The following XKR9 variants were observed in gnomAD, a reference collection of about 807,000 sequenced individuals.
XKR9 encodes XK-related protein 9.
In XKR9, 32 loss-of-function variants were observed where a neutral mutation model predicts 32.0. That is an observed-to-expected ratio of 1.00 (90% CI 0.76 to 1.34). The LOEUF (loss-of-function observed/expected upper bound fraction) is 1.34. XKR9 is among the 40% of genes most tolerant of loss of function. The probability of loss-of-function intolerance (pLI) is 0.00; values close to 1 mark genes in which losing one functional copy is unlikely to be tolerated. For missense variants in XKR9, 546 were observed against 429.7 expected, an observed-to-expected ratio of 1.27 and a Z score of -2.39; for synonymous variants, 168 against 143.4, an observed-to-expected ratio of 1.17 and a Z score of -1.22.
chr8:71,049,526 C>T, the XKR9 span, among the ~76,000 whole-genome samples: 1 of 152,192 alleles, frequency 6.6e-6, no homozygotes, highest in Non-Finnish European at 1.5e-5. Flanking sequence ...GATCCCAACA[C>T]AGAGGAATGT....
the XKR9 span, among the ~76,000 whole-genome samples, chr8:70,998,508 G>A: frequency 6.6e-6 from 1 of 152,222 alleles, no homozygotes; most frequent in Non-Finnish European, 1.5e-5. Flanking sequence ...AGCTTAAGAT[G>A]TGAATCAAAA....
chr8:70,857,582 AG>A, the XKR9 span, among the ~76,000 whole-genome samples: 1 of 152,236 alleles, frequency 6.6e-6, no homozygotes, highest in Non-Finnish European at 1.5e-5. Context: ...TCCAATCAAT[AG>A]AAAAAGAGGG....
chr8:70,928,050 G>A, the XKR9 span, among the ~76,000 whole-genome samples: 18 of 152,274 alleles, frequency 1.2e-4, no homozygotes, highest in African/African-American at 4.3e-4. Flanking sequence ...AATTTCGTGT[G>A]TGTGTGTTTA....
At chr8:70,671,893 A>G (rs1818727807) in intron 1 of XKR9, among the ~76,000 whole-genome samples, 1 of 90,454 alleles carries the variant, frequency 1.1e-5, no homozygotes, top group Non-Finnish European at 2.8e-5. Context: ...AAATCAATGT[A>G]CAAAAATCAC....
At chr8:70,989,753 T>C in the XKR9 span, among the ~76,000 whole-genome samples, 2 of 152,218 alleles carry the variant, frequency 1.3e-5, no homozygotes, top group Non-Finnish European at 2.9e-5. Flanking sequence ...ATATTCACAA[T>C]ATGGTGCAAC....
At chr8:70,719,738 C>A (rs1375633458) in intron 4 of XKR9, among the ~76,000 whole-genome samples, 1 of 152,110 alleles carries the variant, frequency 6.6e-6, no homozygotes, top group Non-Finnish European at 1.5e-5. Flanking sequence ...ATGTCTCCAG[C>A]TTTGATCTTT....
the XKR9 span, among the ~76,000 whole-genome samples, chr8:70,868,316 G>A: frequency 6.6e-6 from 1 of 152,078 alleles, no homozygotes; most frequent in Non-Finnish European, 1.5e-5. Context: ...CCCTAGCAGA[G>A]GGTCTCCATG....
At chr8:70,806,700 T>G in the XKR9 span, among the ~76,000 whole-genome samples, 2 of 151,250 alleles carry the variant, frequency 1.3e-5, no homozygotes, top group African/African-American at 2.4e-5. Context: ...AAATAAGGCA[T>G]GCAGACAAGA....
At chr8:70,970,531 A>G in the XKR9 span, among the ~76,000 whole-genome samples, 10 of 151,896 alleles carry the variant, frequency 6.6e-5, no homozygotes, top group African/African-American at 2.4e-4. Context: ...ATGTGTTTTC[A>G]TTGTTCATCT....
At chr8:70,787,874 G>C in intron 2 of XKR9, among the ~76,000 whole-genome samples, 1 of 151,874 alleles carries the variant, frequency 6.6e-6, no homozygotes, top group East Asian at 1.9e-4. Context: ...AAGGTATTTG[G>C]TCAAGGCTGA....
At chr8:70,971,908 T>A in the XKR9 span, among the ~76,000 whole-genome samples, 1 of 152,172 alleles carries the variant, frequency 6.6e-6, no homozygotes, top group African/African-American at 2.4e-5. Flanking sequence ...CCTCCAGATT[T>A]GTTCTTTTTG....
chr8:70,803,938 C>A, the XKR9 span, among the ~76,000 whole-genome samples: 1 of 152,194 alleles, frequency 6.6e-6, no homozygotes, highest in Non-Finnish European at 1.5e-5. Context: ...GCCCTCCTGG[C>A]AACCAGTGGC....
At chr8:70,777,412 A>T (rs1333830259) in intron 2 of XKR9, among the ~76,000 whole-genome samples, 1 of 152,196 alleles carries the variant, frequency 6.6e-6, no homozygotes, top group Non-Finnish European at 1.5e-5. Flanking sequence ...TGCTGCAATA[A>T]ACATACGTGT....
At chr8:70,759,252 G>C (rs1224309761) in intron 2 of XKR9, among the ~76,000 whole-genome samples, 1 of 152,106 alleles carries the variant, frequency 6.6e-6, no homozygotes, top group East Asian at 1.9e-4. Context: ...AAACAGCTCA[G>C]GCCCATGCAA....
chr8:70,956,630 C>T, the XKR9 span, among the ~76,000 whole-genome samples: 1 of 152,140 alleles, frequency 6.6e-6, no homozygotes, highest in Admixed American at 6.5e-5. Context: ...CCTGCAGGCC[C>T]ATGCTGAGCC....
At chr8:71,007,293 A>G in the XKR9 span, among the ~76,000 whole-genome samples, 2 of 152,162 alleles carry the variant, frequency 1.3e-5, no homozygotes, top group Admixed American at 6.5e-5. Flanking sequence ...ATTTTAGGTG[A>G]TTCAGCATTG....
chr8:70,867,837 G>C, the XKR9 span, among the ~76,000 whole-genome samples: 2 of 152,168 alleles, frequency 1.3e-5, no homozygotes, highest in Non-Finnish European at 2.9e-5. Flanking sequence ...AGTCCCTTCT[G>C]CCTATGAGCT....
chr8:70,839,567 C>G, the XKR9 span, among the ~76,000 whole-genome samples: 2 of 152,118 alleles, frequency 1.3e-5, no homozygotes, highest in Admixed American at 1.3e-4. Flanking sequence ...TTTTAGTGAG[C>G]CACTCTAACA....
chr8:70,848,552 C>G, the XKR9 span, among the ~76,000 whole-genome samples: 4 of 151,888 alleles, frequency 2.6e-5, no homozygotes, highest in African/African-American at 9.7e-5. Flanking sequence ...CCTAAAGACA[C>G]TACTGAAAAA....
Sources: allele counts gnomAD v4.1 joint callset (sites outside exome capture counted in the v4.1 genomes callset), GRCh38; gene constraint gnomAD v4.1.1; transcripts MANE v1.5; gene names NCBI Gene and HGNC (gene_info 2026-07-23, HGNC 2026-07-21).